Variants in ATP6V1G3 observed in about 807,000 individuals in gnomAD.
ATP6V1G3 encodes the protein V-type proton ATPase subunit G 3.
In ATP6V1G3, 9 loss-of-function variants were observed where a neutral mutation model predicts 9.3. The observed-to-expected ratio is 0.97, with a 90% CI of 0.59 to 1.69. The LOEUF (loss-of-function observed/expected upper bound fraction) is 1.69. ATP6V1G3 is among the 40% of genes most tolerant of loss of function. ATP6V1G3 has a pLI of 0.00. For synonymous variants in ATP6V1G3, 43 were observed against 43.8 expected, an observed-to-expected ratio of 0.98 and a Z score of 0.07; for missense variants, 133 against 139.0, an observed-to-expected ratio of 0.96 and a Z score of 0.22.
At position 198,523,428 on chromosome 1, in the gene ATP6V1G3, T is replaced by G; in HGVS notation, c.320A>C (p.Lys107Thr). 6.2e-7 allele frequency: 1 copy of G among 1,613,412 alleles called. No homozygotes were observed. The highest frequency in any genetic ancestry group is 1.1e-5 in the South Asian group (1 of 91,006). The change falls in exon 3 of 3, where the codon AAA becomes ACA. Residue 107 changes from lysine to threonine, a missense_variant. Transcript: ENST00000367382. ...NQLLSMVCDM[K>T]PEIHVNYRAT... ...TCTGTAGTTCACATGGATTTCTGGT[T>G]TCATGTCACAGACCATGCTCAAGAG...
At chr1:198,531,445 A>C (rs1659895171) in intron 1 of ATP6V1G3, among the ~76,000 whole-genome samples, 1 of 152,210 alleles carries the variant, frequency 6.6e-6, no homozygotes, top group Non-Finnish European at 1.5e-5. Flanking sequence ...GCTGTGACCA[A>C]AAGCGGGGAG....
chr1:198,526,284 CA>C (rs1156717162), intron 2 of ATP6V1G3, among the ~76,000 whole-genome samples: 2 of 152,198 alleles, frequency 1.3e-5, no homozygotes, highest in African/African-American at 4.8e-5. Flanking sequence ...GGCACAAAGA[CA>C]AGAATCATGT....
intron 1 of ATP6V1G3, among the ~76,000 whole-genome samples, chr1:198,535,825 A>C (rs940708380): frequency 6.6e-6 from 1 of 152,154 alleles, no homozygotes; most frequent in African/African-American, 2.4e-5. Flanking sequence ...AAGAAGCAGA[A>C]GTTAGACTGG....
chr1:198,528,038 T>C (rs1040989223), intron 2 of ATP6V1G3, among the ~76,000 whole-genome samples: 9 of 152,032 alleles, frequency 5.9e-5, no homozygotes, highest in African/African-American at 1.9e-4. Flanking sequence ...AAAAGACCAA[T>C]ATGGCTAGAA....
At chr1:198,540,460 A>G (rs1195458525) in intron 1 of ATP6V1G3, 109 bp downstream of exon 1, 1 of 1,136,082 alleles carries the variant, frequency 8.8e-7, no homozygotes, top group Non-Finnish European at 1.3e-6. Context: ...CAGGGAGTAC[A>G]GTAAACCAAA....
chr1:198,524,163 C>T (rs948354125), intron 2 of ATP6V1G3, among the ~76,000 whole-genome samples: 1 of 147,084 alleles, frequency 6.8e-6, no homozygotes, highest in Non-Finnish European at 1.5e-5. Flanking sequence ...CTCACTGTGT[C>T]GCCCAGGCTG....
At chr1:198,527,849 C>T (rs1659720453) in intron 2 of ATP6V1G3, among the ~76,000 whole-genome samples, 1 of 152,002 alleles carries the variant, frequency 6.6e-6, no homozygotes, top group South Asian at 2.1e-4. Context: ...GAGTGGACTA[C>T]AATAGGTATG....
chr1:198,523,850 T>C (rs1428351698), intron 2 of ATP6V1G3, among the ~76,000 whole-genome samples: 2 of 152,204 alleles, frequency 1.3e-5, no homozygotes, highest in African/African-American at 4.8e-5. Flanking sequence ...AGAAGTTCTT[T>C]TCCATCACAT....
intron 2 of ATP6V1G3, among the ~76,000 whole-genome samples, chr1:198,525,240 T>C (rs1172048483): frequency 6.6e-6 from 1 of 152,174 alleles, no homozygotes; most frequent in Non-Finnish European, 1.5e-5. Flanking sequence ...TAAGTGTGAT[T>C]CTACCAAATT....
intron 2 of ATP6V1G3, 75 bp downstream of exon 2, chr1:198,529,006 A>G (rs1393677381): frequency 1.6e-6 from 1 of 622,378 alleles, no homozygotes; most frequent in Non-Finnish European, 2.7e-6. Flanking sequence ...TTCTGTCAAT[A>G]TCCTATATTA....
intron 1 of ATP6V1G3, among the ~76,000 whole-genome samples, chr1:198,533,948 G>C (rs182350878): frequency 1.3e-5 from 2 of 152,206 alleles, no homozygotes; most frequent in South Asian, 4.1e-4. Context: ...TATTGGTGGA[G>C]TTATAGGAAG....
intron 1 of ATP6V1G3, among the ~76,000 whole-genome samples, chr1:198,536,980 T>G (rs968812210): frequency 6.6e-6 from 1 of 152,140 alleles, no homozygotes; most frequent in Non-Finnish European, 1.5e-5. Flanking sequence ...TTGGAGATGT[T>G]AAATGACATT....
chr1:198,525,124 A>G (rs985579852), intron 2 of ATP6V1G3, among the ~76,000 whole-genome samples: 1 of 152,240 alleles, frequency 6.6e-6, no homozygotes, highest in Non-Finnish European at 1.5e-5. Context: ...AAGCAGAAAC[A>G]TATGGATCGA....
intron 2 of ATP6V1G3, among the ~76,000 whole-genome samples, chr1:198,525,132 C>T (rs1659604194): frequency 6.6e-6 from 1 of 152,118 alleles, no homozygotes; most frequent in Non-Finnish European, 1.5e-5. Context: ...ACATATGGAT[C>T]GAATTTCCCT....
chr1:198,538,056 C>G (rs943444714), intron 1 of ATP6V1G3, among the ~76,000 whole-genome samples: 1 of 152,146 alleles, frequency 6.6e-6, no homozygotes, highest in South Asian at 2.1e-4. Context: ...CTGACATTCT[C>G]CATAAAACTG....
intron 1 of ATP6V1G3, among the ~76,000 whole-genome samples, chr1:198,530,809 C>T (rs1169165121): frequency 2.0e-5 from 3 of 151,992 alleles, no homozygotes; most frequent in Admixed American, 2.0e-4. Flanking sequence ...ATCTCCAACC[C>T]ACTTTCTTCT....
rs532432166 is a variant in ATP6V1G3, at chr1:198,539,297, G to A, written c.82+1272C>T. On this transcript the variant is annotated intron_variant, in intron 1 of 2. Transcript: ENST00000367382. The stretch of plus-strand genomic sequence containing the variant: ...TATATTCCTTCATTTCATTCATTAC[G>A]TTTAAATAATTCAGTACCTACTCCA... Among the ~76,000 whole-genome samples, 4 of 152,236 alleles carry A rather than the reference G, an allele frequency of 2.6e-5. No individual in the cohort carries two copies. The East Asian group carries it at 5.8e-4, about 22-fold the overall frequency.
chr1:198,540,127 G>A (rs1008179080), intron 1 of ATP6V1G3, among the ~76,000 whole-genome samples: 2 of 152,110 alleles, frequency 1.3e-5, no homozygotes, highest in African/African-American at 4.8e-5. Flanking sequence ...TAAAATATTA[G>A]ATGTTAAAAA....
rs373064078 is a variant in ATP6V1G3, at chr1:198,523,340, A to G, written c.*51T>C. On this transcript the variant is annotated 3_prime_UTR_variant, in exon 3 of 3. Coordinates refer to ENST00000367382, the MANE Select transcript of ATP6V1G3 (RefSeq NM_001376861.1). ...ACATAAAAATACGAAGCCATAAGCA[A>G]CCAGGTGGCACTCACACACCTTTTT... The G allele has an allele frequency of 1.0e-5, 16 of 1,553,332 alleles. No individual in the cohort carries two copies. The highest frequency in any genetic ancestry group is 1.4e-5 in the African/African-American group (1 of 72,748).
Sources: gnomAD v4.1 joint callset for allele counts (sites outside exome capture counted in the v4.1 genomes callset) on GRCh38, gnomAD v4.1.1 for gene constraint, MANE v1.5 for transcripts, NCBI Gene and HGNC (gene_info 2026-07-23, HGNC 2026-07-21) for gene names.